CISD2: variants seen among roughly 807,000 people sequenced by gnomAD.
CISD2 encodes CDGSH iron-sulfur domain-containing protein 2.
CISD2 carries 1 observed loss-of-function variant against 12.9 expected under a neutral mutation model. The ratio of observed to expected loss-of-function variants is 0.08; its 90% CI spans 0.03 to 0.37. The LOEUF is 0.37. Among genes scored for constraint, CISD2 ranks in the 10% least tolerant of loss-of-function variants. The pLI is 0.99. For missense variants in CISD2, 97 were observed against 163.1 expected (o/e 0.59, Z 2.21); for synonymous variants, 50 against 60.6 (o/e 0.83, Z 0.81).
At chr4:102,886,961 A>G (rs549825771) in intron 2 of CISD2, among the ~76,000 whole-genome samples, 34 of 152,302 alleles carry the variant, frequency 2.2e-4, no homozygotes, top group African/African-American at 7.9e-4. Context: ...CATGAGTTTT[A>G]TAGCAAGAAA....
At position 102,869,129 on chromosome 4, in the gene CISD2, T is replaced by A. The variant is rs1733340573; in HGVS notation, c.45T>A (p.Pro15=). ...CCCGTATCGTGAAGGTGCAGCTCCC[T>A]GCATATCTGAAGCGGCTCCCAGTCC... ...SVARIVKVQL[P]AYLKRLPVPE... The change falls in exon 1 of 3, where the codon CCT becomes CCA. Residue 15 remains proline (P), a synonymous_variant. Coordinates refer to ENST00000273986, the MANE Select transcript of CISD2 (RefSeq NM_001008388.5). 2.5e-6 allele frequency: 4 copies of A among 1,612,894 alleles called. No individual in the cohort carries two copies. In the East Asian group the frequency reaches 8.9e-5, roughly 36 times the overall value.
At chr4:102,879,708 G>A (rs998046084) in intron 1 of CISD2, among the ~76,000 whole-genome samples, 1 of 151,982 alleles carries the variant, frequency 6.6e-6, no homozygotes, top group Admixed American at 6.6e-5. Context: ...GGAGGCAGAG[G>A]TTGCAGTGAG....
In CISD2 at chr4:102,880,687, A is replaced by T. The variant is rs961933675; in HGVS notation, c.104-4529A>T. ...AGTGAGACTATCTCATTAAAAAAAA[A>T]ATATATTTTAAATTATTTTATTTGG... On this transcript the variant is annotated intron_variant, in intron 1 of 2. Transcript: ENST00000273986. Among the ~76,000 whole-genome samples, 41 of 151,544 alleles carry T rather than the reference A, an allele frequency of 2.7e-4. 1 individual carries two copies. The highest frequency in any genetic ancestry group is 1.7e-3 in the South Asian group (8 of 4,810).
chr4:102,869,771 G>A lies in CISD2; in HGVS notation c.103+584G>A, dbSNP rs560435788. On this transcript the variant is annotated intron_variant, in intron 1 of 2. Transcript: ENST00000273986. ...GTCATCTCCGTTTCTACGGTCCCGG[G>A]GCCCGCTGCGGTAACTTAAGTTGGA... is the stretch of plus-strand genomic sequence containing the variant. Among the ~76,000 whole-genome samples, 3 of 152,258 alleles carry A rather than the reference G, an allele frequency of 2.0e-5. No individual in the cohort carries two copies. In the East Asian group the frequency reaches 5.8e-4, roughly 29 times the overall value.
At chr4:102,882,411 C>T (rs1733745347) in intron 1 of CISD2, among the ~76,000 whole-genome samples, 1 of 152,176 alleles carries the variant, frequency 6.6e-6, no homozygotes, top group African/African-American at 2.4e-5. Context: ...GAAGGAACTC[C>T]ATATGCAAAG....
At chr4:102,878,683 G>A (rs1292036349) in intron 1 of CISD2, among the ~76,000 whole-genome samples, 1 of 152,168 alleles carries the variant, frequency 6.6e-6, no homozygotes, top group Non-Finnish European at 1.5e-5. Context: ...ATCACTGTCA[G>A]CATTTTGGTC....
At chr4:102,887,053 A>C (rs1733963686) in intron 2 of CISD2, among the ~76,000 whole-genome samples, 1 of 152,244 alleles carries the variant, frequency 6.6e-6, no homozygotes, top group African/African-American at 2.4e-5. Context: ...TCCACAAATG[A>C]CCAAGAACTT....
rs1734026677 is a variant in CISD2, at chr4:102,888,048, TTGTGTCTGTGTGTGTG to T, written c.*624_*639del. 1 of 125,442 alleles carries T rather than the reference TTGTGTCTGTGTGTGTG, an allele frequency of 8.0e-6. No individual in the cohort carries two copies. The highest frequency in any genetic ancestry group is 3.6e-5 in the African/African-American group (1 of 27,528). The allele number at this position is 125,442 out of a possible 1,614,324, so 7.8% of individuals were successfully genotyped here. On this transcript the variant is annotated 3_prime_UTR_variant, in exon 3 of 3. Transcript: ENST00000273986. ...AAGATTTGTTTACTTTACAAAAGGC[TTGTGTCTGTGTGTGTG>T]TGTGTGTGTGTGTGTGTGTATTTTA... is the stretch of plus-strand genomic sequence containing the variant.
At position 102,891,618 on chromosome 4, in the gene CISD2, A is replaced by G. The variant is rs1355023093; in HGVS notation, c.*4188A>G. ...TAGTGCTTAACATGTTGGAAAATTT[A>G]TATGTAAAATATATTGACTTACTCG... On this transcript the variant is annotated 3_prime_UTR_variant, in exon 3 of 3. Coordinates refer to ENST00000273986, the MANE Select transcript of CISD2 (RefSeq NM_001008388.5). 1 of 152,234 alleles carries G rather than the reference A, an allele frequency of 6.6e-6. No individual in the cohort carries two copies. Among genetic ancestry groups the G allele is most frequent in the Non-Finnish European group, 1.5e-5 (1 of 68,044 alleles). 9.4% of individuals were successfully genotyped at this position (152,234 alleles called of 1,614,324 possible). A position where few individuals can be genotyped will look rare whatever the true frequency, so the allele number is the denominator to read the frequency against.
chr4:102,874,869 A>C (rs1733556453), intron 1 of CISD2, among the ~76,000 whole-genome samples: 1 of 152,152 alleles, frequency 6.6e-6, no homozygotes, highest in Non-Finnish European at 1.5e-5. Flanking sequence ...GATTTTCAAC[A>C]GGTTGTCTTG....
At position 102,889,293 on chromosome 4, in the gene CISD2, A is replaced by G. The variant is rs1168788001; in HGVS notation, c.*1863A>G. On this transcript the variant is annotated 3_prime_UTR_variant, in exon 3 of 3. Coordinates refer to ENST00000273986, the MANE Select transcript of CISD2 (RefSeq NM_001008388.5). ...GGATACATTTTCTTCAACACTGTTA[A>G]GGGGCCTCACTGTCAGATTAACCAA... 2.6e-5 allele frequency: 4 copies of G among 152,354 alleles called. No individual in the cohort carries two copies. In the East Asian group the frequency reaches 7.7e-4, roughly 29 times the overall value. 9.4% of individuals were successfully genotyped at this position (152,354 alleles called of 1,614,324 possible). A position where few individuals can be genotyped will look rare whatever the true frequency, so the allele number is the denominator to read the frequency against.
chr4:102,869,060 A>T lies in CISD2; in HGVS notation c.-25A>T. ...TTGGCCAGAGCGGAGGGGGCTCGGG[A>T]GAGGAGTGGACGCCGCTGGCCAGGA... On this transcript the variant is annotated 5_prime_UTR_variant, in exon 1 of 3. Transcript: ENST00000273986. 2 of 1,595,310 alleles carry T rather than the reference A, an allele frequency of 1.3e-6. No homozygotes were observed. The highest frequency in any genetic ancestry group is 1.7e-6 in the Non-Finnish European group (2 of 1,171,876).
intron 2 of CISD2, among the ~76,000 whole-genome samples, chr4:102,886,766 A>C (rs1578317000): frequency 7.8e-6 from 1 of 127,448 alleles, no homozygotes; most frequent in Non-Finnish European, 1.7e-5. Flanking sequence ...AGGCGTATGC[A>C]CCACGCCCAG....
At chr4:102,884,929 A>G in intron 1 of CISD2, 1 of 361,174 alleles carries the variant, frequency 2.8e-6, no homozygotes, top group Non-Finnish European at 5.2e-6. Flanking sequence ...AAATAAAAAT[A>G]GACAAACACA....
At position 102,887,667 on chromosome 4, in the gene CISD2, C is replaced by G. The variant is rs1401046861; in HGVS notation, c.*237C>G. ...CAATAAAATCACTTCTGATTTTAAT[C>G]TAGGAAAACCTAAATTGTGGCTATG... On this transcript the variant is annotated 3_prime_UTR_variant, in exon 3 of 3. Coordinates refer to ENST00000273986, the MANE Select transcript of CISD2 (RefSeq NM_001008388.5). 1 of 332,872 alleles carries G rather than the reference C, an allele frequency of 3.0e-6. No individual in the cohort carries two copies. Among genetic ancestry groups the G allele is most frequent in the Non-Finnish European group, 5.5e-6 (1 of 180,998 alleles). 20.6% of individuals were successfully genotyped at this position (332,872 alleles called of 1,614,324 possible).
intron 1 of CISD2, among the ~76,000 whole-genome samples, chr4:102,875,677 G>A (rs1025062051): frequency 1.3e-5 from 2 of 152,176 alleles, no homozygotes; most frequent in Non-Finnish European, 2.9e-5. Flanking sequence ...CTTGGTTTAT[G>A]TAAGTCTCTG....
chr4:102,876,264 T>C (rs935569772), intron 1 of CISD2, among the ~76,000 whole-genome samples: 5 of 152,332 alleles, frequency 3.3e-5, no homozygotes, highest in African/African-American at 9.6e-5. Flanking sequence ...AAAAGAAACC[T>C]GGTTCCAAGT....
At chr4:102,870,719 G>T (rs1368946608) in intron 1 of CISD2, among the ~76,000 whole-genome samples, 1 of 152,098 alleles carries the variant, frequency 6.6e-6, no homozygotes, top group African/African-American at 2.4e-5. Flanking sequence ...CAGAATTGCA[G>T]CAATTCCATA....
At chr4:102,869,950 A>G (rs372142669) in intron 1 of CISD2, among the ~76,000 whole-genome samples, 1 of 152,194 alleles carries the variant, frequency 6.6e-6, no homozygotes, top group East Asian at 1.9e-4. Flanking sequence ...AAGGATGAAA[A>G]TCTCCAGAAT....
Sources: gnomAD v4.1 joint callset for allele counts (sites outside exome capture counted in the v4.1 genomes callset) on GRCh38, gnomAD v4.1.1 for gene constraint, MANE v1.5 for transcripts, NCBI Gene and HGNC (gene_info 2026-07-23, HGNC 2026-07-21) for gene names.